The following DPYD variants were observed in gnomAD, a reference collection of about 807,000 sequenced individuals.
DPYD encodes the protein dihydropyrimidine dehydrogenase [NADP(+)].
DPYD carries 109 observed loss-of-function variants against 116.2 expected under a neutral mutation model. The observed-to-expected ratio is 0.94, with a 90% confidence interval of 0.80 to 1.10. DPYD has a LOEUF of 1.10. DPYD is among the 50% of genes least tolerant of loss of function. DPYD has a pLI of 0.00. For synonymous variants in DPYD, 440 were observed against 432.0 expected (o/e 1.02, Z -0.23); for missense variants, 1,302 against 1,254.5 (o/e 1.04, Z -0.57).
chr1:97,338,235 CG>C (rs1483332739), intron 16 of DPYD, among the ~76,000 whole-genome samples: 1 of 152,070 alleles, frequency 6.6e-6, no homozygotes, highest in Non-Finnish European at 1.5e-5. Flanking sequence ...AAATTGTATA[CG>C]GTAAAACCTT....
chr1:97,609,640 G>A (rs889802815), intron 8 of DPYD, among the ~76,000 whole-genome samples: 2 of 151,944 alleles, frequency 1.3e-5, no homozygotes, highest in African/African-American at 4.8e-5. Context: ...GGCAAAGACA[G>A]ATTTAAAATA....
chr1:97,287,527 C>T (rs1665786051), intron 18 of DPYD, among the ~76,000 whole-genome samples: 1 of 152,196 alleles, frequency 6.6e-6, no homozygotes, highest in Non-Finnish European at 1.5e-5. Context: ...GCCCTGCCCC[C>T]AGAGGTGGAG....
chr1:97,839,158 ACCTT>A (rs761218653), intron 2 of DPYD, among the ~76,000 whole-genome samples: 1 of 152,184 alleles, frequency 6.6e-6, no homozygotes, highest in Non-Finnish European at 1.5e-5. Flanking sequence ...CATACTATTA[ACCTT>A]CCTTCCTTTC....
intron 18 of DPYD, among the ~76,000 whole-genome samples, chr1:97,291,136 T>C (rs919251304): frequency 2.6e-5 from 4 of 152,218 alleles, no homozygotes; most frequent in Admixed American, 6.5e-5. Flanking sequence ...ACCACAATGA[T>C]ATACCATCTC....
intron 3 of DPYD, among the ~76,000 whole-genome samples, chr1:97,780,421 A>G (rs1401179299): frequency 6.6e-6 from 1 of 152,212 alleles, no homozygotes; most frequent in Non-Finnish European, 1.5e-5. Context: ...AATTTTTTAA[A>G]AAGTCATGCA....
intron 18 of DPYD, among the ~76,000 whole-genome samples, chr1:97,290,996 AC>A (rs1368575836): frequency 6.6e-6 from 1 of 152,096 alleles, no homozygotes; most frequent in African/African-American, 2.4e-5. Flanking sequence ...ACAAGAAAAA[AC>A]CAAACAACCC....
chr1:97,649,698 A>G (rs1412148818), intron 8 of DPYD, among the ~76,000 whole-genome samples: 1 of 152,130 alleles, frequency 6.6e-6, no homozygotes, highest in Non-Finnish European at 1.5e-5. Flanking sequence ...AACTTAAATG[A>G]TAATTAAGAC....
intron 20 of DPYD, among the ~76,000 whole-genome samples, chr1:97,123,954 T>G: frequency 6.6e-6 from 1 of 152,178 alleles, no homozygotes; most frequent in Non-Finnish European, 1.5e-5. Context: ...TCTGGGTCCC[T>G]GCCAAATATG....
intron 20 of DPYD, among the ~76,000 whole-genome samples, chr1:97,189,434 C>T (rs1404117956): frequency 6.6e-6 from 1 of 152,156 alleles, no homozygotes; most frequent in East Asian, 1.9e-4. Flanking sequence ...GTCCTGTTCT[C>T]ATCCCAAGCA....
chr1:97,564,181 C>G (rs549711274), intron 11 of DPYD, among the ~76,000 whole-genome samples: 6 of 152,086 alleles, frequency 3.9e-5, no homozygotes, highest in Non-Finnish European at 8.8e-5. Flanking sequence ...AACAACATGG[C>G]AGCACATGAG....
At chr1:97,206,650 A>G (rs9727438) in intron 19 of DPYD, among the ~76,000 whole-genome samples, 852 of 51,980 alleles carry the variant, frequency 0.016, 12 homozygotes, top group African/African-American at 0.14. Flanking sequence ...ATATATATAT[A>G]TATATATATA....
In DPYD at chr1:97,545,946, C is replaced by G. The variant is rs1163231802; in HGVS notation, c.1524+3614G>C. 4.4e-6 allele frequency: 5 copies of G among 1,140,730 alleles called. No homozygotes were observed. In the Admixed American group the frequency reaches 6.7e-5, roughly 15 times the overall value. 70.7% of individuals were successfully genotyped at this position (1,140,730 alleles called of 1,614,324 possible). A position where few individuals can be genotyped will look rare whatever the true frequency, so the allele number is the denominator to read the frequency against. On this transcript the variant is annotated intron_variant, in intron 12 of 22. Coordinates refer to ENST00000370192, the MANE Select transcript of DPYD (RefSeq NM_000110.4). Reference sequence around the variant, plus strand: ...GTTTAAAGAATCAGATTGTCATACTCTACTGCACTTCCTTGAAGATGAAAA... The same window carrying G: ...GTTTAAAGAATCAGATTGTCATACTGTACTGCACTTCCTTGAAGATGAAAA...
intron 20 of DPYD, among the ~76,000 whole-genome samples, chr1:97,160,219 G>T (rs1655788856): frequency 6.6e-6 from 1 of 151,916 alleles, no homozygotes; most frequent in South Asian, 2.1e-4. Flanking sequence ...AATTAAAGCA[G>T]AAAATTATTT....
intron 3 of DPYD, among the ~76,000 whole-genome samples, chr1:97,759,371 T>C (rs547490173): frequency 6.6e-6 from 1 of 152,254 alleles, no homozygotes; most frequent in African/African-American, 2.4e-5. Context: ...CTTTTGAGTC[T>C]TTACTGCCCA....
chr1:97,559,347 T>A (rs1651972669), intron 11 of DPYD, among the ~76,000 whole-genome samples: 1 of 152,128 alleles, frequency 6.6e-6, no homozygotes, highest in Non-Finnish European at 1.5e-5. Flanking sequence ...TATTAAAATA[T>A]AAGTGAACAC....
chr1:97,708,786 T>A (rs1012726589), intron 5 of DPYD, among the ~76,000 whole-genome samples: 1 of 151,996 alleles, frequency 6.6e-6, no homozygotes, highest in Non-Finnish European at 1.5e-5. Context: ...TATGTCTCTA[T>A]TTATTTAGCT....
Position 97,609,566 on chromosome 1 carries a change from T to C in DPYD, c.851-14400A>G, listed in dbSNP as rs367669786. On this transcript the variant is annotated intron_variant, in intron 8 of 22. Transcript: ENST00000370192. Reference sequence around the variant, plus strand: ...TATGGACTAGGTATCCTTATGCTCATTTACAGATGACAAACTGAGGTTCAA... The same window carrying C: ...TATGGACTAGGTATCCTTATGCTCACTTACAGATGACAAACTGAGGTTCAA... Among the ~76,000 whole-genome samples the C allele has an allele frequency of 5.3e-5, 8 of 152,160 alleles. No individual in the cohort carries two copies. The South Asian group carries it at 1.5e-3, about 28-fold the overall frequency.
intron 8 of DPYD, among the ~76,000 whole-genome samples, chr1:97,626,499 C>G (rs186149096): frequency 1.3e-5 from 2 of 151,998 alleles, no homozygotes; most frequent in African/African-American, 4.8e-5. Context: ...CCCATTTCCT[C>G]CAAAAGGAGG....
At chr1:97,906,696 C>T (rs1210374545) in intron 1 of DPYD, among the ~76,000 whole-genome samples, 4 of 152,030 alleles carry the variant, frequency 2.6e-5, no homozygotes, top group Non-Finnish European at 4.4e-5. Flanking sequence ...GTTTTCAATG[C>T]TTTTTCCGTT....
Sources: gnomAD v4.1 joint callset for allele counts (sites outside exome capture counted in the v4.1 genomes callset) on GRCh38, gnomAD v4.1.1 for gene constraint, MANE v1.5 for transcripts, NCBI Gene and HGNC (gene_info 2026-07-23, HGNC 2026-07-21) for gene names.